Variants in OPCML observed in about 807,000 individuals in gnomAD.
OPCML encodes the protein opioid binding protein/cell adhesion molecule like.
A neutral mutation model predicts 37.8 loss-of-function variants in OPCML; 13 were observed. The observed-to-expected ratio is 0.34, with a 90% confidence interval of 0.22 to 0.55. The LOEUF is 0.55. OPCML is among the 20% of genes least tolerant of loss of function. The probability of loss-of-function intolerance (pLI) is 0.91; values close to 1 mark genes in which losing one functional copy is unlikely to be tolerated. For synonymous variants in OPCML, 176 were observed against 168.8 expected, an observed-to-expected ratio of 1.04 and a Z score of -0.33; for missense variants, 341 against 435.6, an observed-to-expected ratio of 0.78 and a Z score of 1.93.
intron 1 of OPCML, among the ~76,000 whole-genome samples, chr11:133,207,035 C>T (rs1939097239): frequency 6.6e-6 from 1 of 151,418 alleles, no homozygotes; most frequent in Non-Finnish European, 1.5e-5. Context: ...CGCCTGTAAT[C>T]CCAGCACTTT....
intron 1 of OPCML, among the ~76,000 whole-genome samples, chr11:133,413,481 TAAAA>T (rs920364898): frequency 1.6e-4 from 24 of 147,980 alleles, no homozygotes; most frequent in Non-Finnish European, 2.7e-4. Context: ...AGTATAATAA[TAAAA>T]AATAAATAAA....
At chr11:132,633,744 G>A (rs887442253) in intron 3 of OPCML, among the ~76,000 whole-genome samples, 11 of 152,178 alleles carry the variant, frequency 7.2e-5, no homozygotes, top group Non-Finnish European at 1.0e-4. Flanking sequence ...GGGGACAGCA[G>A]GAGGGAAAGT....
chr11:133,325,078 G>A (rs986159199), intron 1 of OPCML, among the ~76,000 whole-genome samples: 12 of 152,184 alleles, frequency 7.9e-5, no homozygotes, highest in African/African-American at 2.9e-4. Context: ...GGGGAGGGGA[G>A]ACGAAGGTCT....
intron 2 of OPCML, among the ~76,000 whole-genome samples, chr11:132,702,429 G>C (rs1288263368): frequency 6.6e-6 from 1 of 152,170 alleles, no homozygotes; most frequent in East Asian, 1.9e-4. Context: ...TTTTATGGGA[G>C]TTGGGGGAGG....
chr11:133,275,616 C>T (rs2136493067), intron 1 of OPCML, among the ~76,000 whole-genome samples: 1 of 152,266 alleles, frequency 6.6e-6, no homozygotes, highest in Non-Finnish European at 1.5e-5. Flanking sequence ...TGAGCTCTAG[C>T]CCCCACCAGA....
chr11:133,371,799 T>C (rs575346922), intron 1 of OPCML, among the ~76,000 whole-genome samples: 6 of 152,232 alleles, frequency 3.9e-5, no homozygotes, highest in Non-Finnish European at 7.3e-5. Flanking sequence ...ACAATGCTAA[T>C]TACAGAAGTA....
At chr11:133,495,721 C>T (rs917024915) in intron 1 of OPCML, among the ~76,000 whole-genome samples, 1 of 151,898 alleles carries the variant, frequency 6.6e-6, no homozygotes, top group African/African-American at 2.4e-5. Flanking sequence ...ATTGTCTATT[C>T]GTATCCTTAA....
chr11:132,637,845 G>A, intron 3 of OPCML, among the ~76,000 whole-genome samples: 1 of 151,990 alleles, frequency 6.6e-6, no homozygotes, highest in East Asian at 1.9e-4. Context: ...TCAGAGCCAG[G>A]CTCTTCTGGG....
At chr11:133,299,850 GA>G (rs1022768399) in intron 1 of OPCML, 15 of 152,088 alleles carry the variant, frequency 9.9e-5, no homozygotes, top group African/African-American at 3.6e-4. Context: ...TCCCTACCTA[GA>G]AAAAATAATT....
At chr11:132,499,227 G>A (rs1470791083) in intron 4 of OPCML, among the ~76,000 whole-genome samples, 2 of 152,182 alleles carry the variant, frequency 1.3e-5, no homozygotes, top group African/African-American at 2.4e-5. Context: ...AGACAGCATA[G>A]GAATAGGAAC....
chr11:133,322,362 C>A (rs1332399666), intron 1 of OPCML, among the ~76,000 whole-genome samples: 1 of 152,198 alleles, frequency 6.6e-6, no homozygotes, highest in African/African-American at 2.4e-5. Context: ...CGCACACAAA[C>A]ACATAATACA....
At chr11:133,519,957 A>G (rs1948364803) in intron 1 of OPCML, among the ~76,000 whole-genome samples, 1 of 152,186 alleles carries the variant, frequency 6.6e-6, no homozygotes, top group African/African-American at 2.4e-5. Context: ...CCAAAGCTAG[A>G]CGGTGCCACC....
chr11:133,484,006 T>C (rs1398680377), intron 1 of OPCML, among the ~76,000 whole-genome samples: 1 of 150,824 alleles, frequency 6.6e-6, no homozygotes, highest in East Asian at 2.0e-4. Context: ...GCTAGATAGA[T>C]AGATAGACAA....
At chr11:132,773,704 C>T (rs1316829155) in intron 2 of OPCML, among the ~76,000 whole-genome samples, 1 of 152,170 alleles carries the variant, frequency 6.6e-6, no homozygotes, top group African/African-American at 2.4e-5. Context: ...GCATTTCCAT[C>T]CCTTCTCATT....
chr11:133,281,290 C>T (rs1485551439), intron 1 of OPCML, among the ~76,000 whole-genome samples: 2 of 152,060 alleles, frequency 1.3e-5, no homozygotes, highest in African/African-American at 2.4e-5. Flanking sequence ...AGGATAGATC[C>T]CTCATGAATG....
chr11:132,822,464 A>G (rs1402519102), intron 2 of OPCML, among the ~76,000 whole-genome samples: 1 of 152,206 alleles, frequency 6.6e-6, no homozygotes, highest in Admixed American at 6.5e-5. Flanking sequence ...GAAATATAAG[A>G]GAAAGGCTTT....
chr11:132,598,367 T>C (rs963106172), intron 3 of OPCML, among the ~76,000 whole-genome samples: 1 of 152,186 alleles, frequency 6.6e-6, no homozygotes, highest in Non-Finnish European at 1.5e-5. Flanking sequence ...TGGAACATAG[T>C]AGACACTCAA....
At chr11:133,334,558 C>A (rs777840100) in intron 1 of OPCML, among the ~76,000 whole-genome samples, 1 of 152,186 alleles carries the variant, frequency 6.6e-6, no homozygotes, top group African/African-American at 2.4e-5. Flanking sequence ...AGCTTAACAC[C>A]TGGGTGATGT....
At chr11:132,644,220 A>G (rs1489460736) in intron 3 of OPCML, among the ~76,000 whole-genome samples, 3 of 152,208 alleles carry the variant, frequency 2.0e-5, no homozygotes, top group Admixed American at 6.5e-5. Context: ...TCTACTAAAA[A>G]TACAAAAATA....
Sources: allele counts gnomAD v4.1 joint callset (sites outside exome capture counted in the v4.1 genomes callset), GRCh38; gene constraint gnomAD v4.1.1; transcripts MANE v1.5; gene names NCBI Gene and HGNC (gene_info 2026-07-23, HGNC 2026-07-21).